Variants in RIMBP2 observed in about 807,000 individuals in gnomAD.
RIMBP2 encodes the protein RIMS-binding protein 2.
A neutral mutation model predicts 118.6 loss-of-function variants in RIMBP2; 48 were observed. The observed-to-expected ratio is 0.40, with a 90% CI of 0.32 to 0.51. The LOEUF (loss-of-function observed/expected upper bound fraction) is 0.51. RIMBP2 is among the 20% of genes least tolerant of loss of function. The probability of loss-of-function intolerance (pLI) is 0.41; values close to 1 mark genes in which losing one functional copy is unlikely to be tolerated. For missense variants in RIMBP2, 1,551 were observed against 1,768.3 expected, an observed-to-expected ratio of 0.88 and a Z score of 2.20; for synonymous variants, 762 against 742.9, an observed-to-expected ratio of 1.03 and a Z score of -0.42.
chr12:130,410,826 A>G (rs961240572), intron 19 of RIMBP2, among the ~76,000 whole-genome samples: 7 of 152,214 alleles, frequency 4.6e-5, no homozygotes, highest in African/African-American at 1.7e-4. Flanking sequence ...TGTTAAAAAT[A>G]GTTTTGGCTA....
chr12:130,441,433 A>G (rs1324081428), intron 11 of RIMBP2, among the ~76,000 whole-genome samples: 1 of 145,164 alleles, frequency 6.9e-6, no homozygotes, highest in East Asian at 2.0e-4. Context: ...AATAATAATA[A>G]TAATAATAAT....
chr12:130,632,110 G>A (rs1354185924), intron 1 of RIMBP2, among the ~76,000 whole-genome samples: 2 of 152,156 alleles, frequency 1.3e-5, no homozygotes, highest in Non-Finnish European at 2.9e-5. Context: ...CTTCATCGTG[G>A]GACGATTTCA....
intron 21 of RIMBP2, among the ~76,000 whole-genome samples, chr12:130,402,751 G>C (rs1328025791): frequency 2.0e-5 from 3 of 152,288 alleles, no homozygotes; most frequent in African/African-American, 7.2e-5. Flanking sequence ...AGTTTTCTCT[G>C]TGCCCCAGTC....
At chr12:130,602,240 C>T (rs1223459557) in intron 2 of RIMBP2, among the ~76,000 whole-genome samples, 2 of 152,228 alleles carry the variant, frequency 1.3e-5, no homozygotes. Flanking sequence ...CAGAGAAATC[C>T]TAAGGTAGGT....
Position 130,407,772 on chromosome 12 carries a change from A to T in RIMBP2, c.3647T>A (p.Leu1216Gln). 6.2e-7 allele frequency: 1 copy of T among 1,614,168 alleles called. No homozygotes were observed. The highest frequency in any genetic ancestry group is 8.5e-7 in the Non-Finnish European group (1 of 1,180,016). Residue 1216 changes from leucine (L) to glutamine (Q), a missense_variant, in exon 20 of 23, where the codon CTG (leucine) becomes CAG (glutamine). Around this residue, in one of 5 missense-constraint regions of RIMBP2, gnomAD observed 1,038 missense variants for 1,125.1 expected, o/e 0.92. Coordinates refer to ENST00000690449, the MANE Select transcript of RIMBP2 (RefSeq NM_001393629.1). ...GCTTTCTCTGGGGTCGTAGTCATAC[A>T]GGGCCACCATTCTCCGCGTCGATAC... ...HSVSTRRMVA[L>Q]YDYDPRESSP...
chr12:130,583,005 A>T (rs2058578573), intron 2 of RIMBP2, among the ~76,000 whole-genome samples: 1 of 152,232 alleles, frequency 6.6e-6, no homozygotes, highest in South Asian at 2.1e-4. Context: ...CAAGGGGCAG[A>T]TATAAAAGTC....
chr12:130,676,490 G>A (rs1476398080), intron 1 of RIMBP2, among the ~76,000 whole-genome samples: 2 of 151,880 alleles, frequency 1.3e-5, no homozygotes, highest in African/African-American at 2.4e-5. Context: ...GGGTGTGGTG[G>A]TATGTGCCTG....
At chr12:130,401,924 ACAC>A (rs770755340) in intron 21 of RIMBP2, among the ~76,000 whole-genome samples, 10 of 152,222 alleles carry the variant, frequency 6.6e-5, no homozygotes, top group East Asian at 3.9e-4. Context: ...TGTCATGCTC[ACAC>A]CACAAGAGGC....
At position 130,431,485 on chromosome 12, in the gene RIMBP2, A is replaced by G. The variant is rs1289559692; in HGVS notation, c.2254-3148T>C. ...TGAATGTATTCTTTGAATTGAATCA[A>G]TATTTAACGTTACTTTTAAAGAAAA... On this transcript the variant is annotated intron_variant, in intron 14 of 22. Coordinates refer to ENST00000690449, the MANE Select transcript of RIMBP2 (RefSeq NM_001393629.1). This position sits in a 1 kb window ranked among gnomAD's most constrained non-coding sequence, Gnocchi z 4.0. The G allele has an allele frequency of 2.7e-6, 1 of 364,648 alleles. No homozygotes were observed. Among genetic ancestry groups the G allele is most frequent in the African/African-American group, 2.1e-5 (1 of 48,638 alleles). 22.6% of individuals were successfully genotyped at this position (364,648 alleles called of 1,614,324 possible). A position where few individuals can be genotyped will look rare whatever the true frequency, so the allele number is the denominator to read the frequency against.
chr12:130,554,071 C>T (rs1171227865), intron 2 of RIMBP2, among the ~76,000 whole-genome samples: 3 of 152,172 alleles, frequency 2.0e-5, no homozygotes, highest in South Asian at 2.1e-4. Context: ...CATCTGTAAA[C>T]TCATTGATCT....
chr12:130,438,342 CCA>C (rs1491455195), intron 12 of RIMBP2, 21 bp downstream of exon 12: 19 of 1,410,072 alleles, frequency 1.3e-5, no homozygotes, highest in East Asian at 2.3e-5. Context: ...CAAACCCTCC[CCA>C]CCCACCCAAC....
At chr12:130,458,988 G>A (rs1227911100) in intron 6 of RIMBP2, among the ~76,000 whole-genome samples, 1 of 150,282 alleles carries the variant, frequency 6.7e-6, no homozygotes, top group Admixed American at 6.6e-5. Flanking sequence ...AGGTTGTAGT[G>A]AGCTGAGATC....
chr12:130,460,017 T>A (rs1877974), intron 6 of RIMBP2, among the ~76,000 whole-genome samples: 12 of 152,146 alleles, frequency 7.9e-5, no homozygotes, highest in Non-Finnish European at 1.6e-4. Flanking sequence ...GCGGGTAAAC[T>A]AATCTACGCA....
At chr12:130,645,519 C>T (rs551229774) in intron 1 of RIMBP2, among the ~76,000 whole-genome samples, 28 of 152,296 alleles carry the variant, frequency 1.8e-4, no homozygotes, top group East Asian at 1.2e-3. Context: ...AGTCAGGACA[C>T]GGGATGGGCA....
Position 130,439,553 on chromosome 12 carries a change from G to C in RIMBP2, c.1505-1037C>G, listed in dbSNP as rs111065096. 2.7e-3 allele frequency among the ~76,000 whole-genome samples: 359 copies of C among 134,056 alleles called. 1 individual carries two copies. Among genetic ancestry groups the C allele is most frequent in the African/African-American group, 8.9e-3 (320 of 35,850 alleles). The allele number at this position is 134,056 out of a possible 152,430, so 87.9% of individuals were successfully genotyped here. A position where few individuals can be genotyped will look rare whatever the true frequency, so the allele number is the denominator to read the frequency against. On this transcript the variant is annotated intron_variant, in intron 11 of 22. Transcript: ENST00000690449. ...TGTGGGTCTGTAGGGGTGTCGGTGG[G>C]GGTGTCCATGGGTGTATGTGGGTCT...
chr12:130,448,720 G>A (rs762290729), intron 9 of RIMBP2, among the ~76,000 whole-genome samples: 1 of 152,222 alleles, frequency 6.6e-6, no homozygotes, highest in Non-Finnish European at 1.5e-5. Flanking sequence ...ACAGATGAGC[G>A]GATGGTGGGC....
At chr12:130,568,879 A>G (rs1476119098) in intron 2 of RIMBP2, among the ~76,000 whole-genome samples, 1 of 152,138 alleles carries the variant, frequency 6.6e-6, no homozygotes, top group African/African-American at 2.4e-5. Flanking sequence ...CCAGGGCATT[A>G]TCCAATGGAA....
chr12:130,638,552 A>G (rs2062454719), intron 1 of RIMBP2, among the ~76,000 whole-genome samples: 2 of 152,180 alleles, frequency 1.3e-5, no homozygotes, highest in Admixed American at 1.3e-4. Flanking sequence ...AGGTTCTCAT[A>G]GGAATGTGAA....
chr12:130,542,729 C>T (rs2139579577), intron 2 of RIMBP2, among the ~76,000 whole-genome samples: 1 of 152,340 alleles, frequency 6.6e-6, no homozygotes, highest in South Asian at 2.1e-4. Context: ...TAGATGCAAT[C>T]TGCCTTAACC....
Sources: allele counts gnomAD v4.1 joint callset (sites outside exome capture counted in the v4.1 genomes callset), GRCh38; gene constraint gnomAD v4.1.1; regional missense constraint gnomAD v4.1.1; non-coding constraint Gnocchi (gnomAD v3.1); transcripts MANE v1.5; gene names NCBI Gene and HGNC (gene_info 2026-07-23, HGNC 2026-07-21).